Variants in PPIG observed in about 807,000 individuals in gnomAD.
PPIG encodes the protein peptidylprolyl isomerase G, also known as peptidyl-prolyl cis-trans isomerase G.
Under a neutral mutation model 87.9 loss-of-function variants are expected in PPIG, and 26 were observed. The ratio of observed to expected loss-of-function variants is 0.30; its 90% CI spans 0.22 to 0.41. The LOEUF (loss-of-function observed/expected upper bound fraction) is 0.41, where lower values mean the gene tolerates loss of function less well. Among genes scored for constraint, PPIG ranks in the 10% least tolerant of loss-of-function variants. The pLI, the probability that PPIG is intolerant of heterozygous loss-of-function variation, is 1.00. For missense variants in PPIG, 722 were observed against 879.4 expected (o/e 0.82, Z 2.26); for synonymous variants, 308 against 276.5 (o/e 1.11, Z -1.13).
At chr2:169,599,058 A>G (rs1685104933) in intron 1 of PPIG, among the ~76,000 whole-genome samples, 1 of 152,136 alleles carries the variant, frequency 6.6e-6, no homozygotes. Context: ...AAGGATGTAC[A>G]TAAAGTAAAT....
chr2:169,616,559 T>G (rs1259914940), intron 9 of PPIG, among the ~76,000 whole-genome samples: 1 of 152,246 alleles, frequency 6.6e-6, no homozygotes. Flanking sequence ...AGATGGTATC[T>G]CATTGTGGTT....
intron 12 of PPIG, among the ~76,000 whole-genome samples, chr2:169,635,769 C>T (rs573882946): frequency 5.9e-5 from 9 of 152,262 alleles, no homozygotes; most frequent in Admixed American, 3.9e-4. Flanking sequence ...ATGGAGAAGA[C>T]GTATGGCTAG....
intron 8 of PPIG, 40 bp downstream of exon 8, chr2:169,614,533 T>G: frequency 6.4e-7 from 1 of 1,560,146 alleles, no homozygotes; most frequent in South Asian, 1.2e-5. Context: ...TGTTTTAAAT[T>G]AACCTTGAAA....
chr2:169,587,809 A>C (rs1187376379), intron 1 of PPIG, among the ~76,000 whole-genome samples: 1 of 152,222 alleles, frequency 6.6e-6, no homozygotes, highest in Non-Finnish European at 1.5e-5. Context: ...CTGAAATTTG[A>C]TTATATAACA....
intron 12 of PPIG, among the ~76,000 whole-genome samples, chr2:169,635,562 G>GCT (rs1686157956): frequency 6.6e-6 from 1 of 152,048 alleles, no homozygotes; most frequent in Admixed American, 6.5e-5. Flanking sequence ...ATATATCTTG[G>GCT]CTCACTGATG....
chr2:169,588,089 C>G (rs1279043091), intron 1 of PPIG, among the ~76,000 whole-genome samples: 7 of 152,000 alleles, frequency 4.6e-5, no homozygotes, highest in African/African-American at 7.2e-5. Context: ...CGCTTGAACC[C>G]GGGAGGTGGA....
At chr2:169,623,589 A>G (rs1685809785) in intron 9 of PPIG, among the ~76,000 whole-genome samples, 1 of 152,152 alleles carries the variant, frequency 6.6e-6, no homozygotes, top group African/African-American at 2.4e-5. Context: ...CAATAGAGGA[A>G]GCAGCTGGTG....
intron 9 of PPIG, among the ~76,000 whole-genome samples, chr2:169,616,498 C>T (rs1211384802): frequency 6.6e-6 from 1 of 152,208 alleles, no homozygotes; most frequent in Non-Finnish European, 1.5e-5. Flanking sequence ...TCCACATCCT[C>T]TCCGGCATCT....
At position 169,631,818 on chromosome 2, in the gene PPIG, G is replaced by C. The variant is rs144590403; in HGVS notation, c.814G>C (p.Val272Leu). 39 of 1,613,632 alleles carry C rather than the reference G, an allele frequency of 2.4e-5. No homozygotes were observed. The highest frequency in any genetic ancestry group is 3.2e-5 in the Non-Finnish European group (38 of 1,179,790). Residue 272 changes from valine to leucine, a missense_variant, in exon 11 of 14, where the codon GTC (valine) becomes CTC (leucine). This residue lies in a region of PPIG where 142 missense variants were observed against 152.8 expected (regional missense o/e 0.93). Coordinates refer to ENST00000260970, the MANE Select transcript of PPIG (RefSeq NM_004792.3). ...TCTTGAAGCACAACCCCAGTCTACT[G>C]TCCGTCCAGAAGAGATCCCTCCTAT... The part of the protein sequence containing the change: ...ENLEAQPQST[V>L]RPEEIPPIPE...
At chr2:169,616,769 A>G (rs1439260227) in intron 9 of PPIG, among the ~76,000 whole-genome samples, 1 of 152,114 alleles carries the variant, frequency 6.6e-6, no homozygotes, top group African/African-American at 2.4e-5. Flanking sequence ...ATGGATAGAT[A>G]GCAAAAATGT....
intron 1 of PPIG, among the ~76,000 whole-genome samples, chr2:169,586,593 TC>T (rs1684711714): frequency 6.6e-6 from 1 of 152,176 alleles, no homozygotes; most frequent in African/African-American, 2.4e-5. Context: ...ATTGGTGACT[TC>T]TACATATTTT....
intron 7 of PPIG, among the ~76,000 whole-genome samples, chr2:169,612,935 C>CCATT (rs1685528775): frequency 6.6e-6 from 1 of 152,118 alleles, no homozygotes; most frequent in South Asian, 2.1e-4. Flanking sequence ...AGTGGTTGCA[C>CCATT]CATTCTACAT....
intron 6 of PPIG, 101 bp downstream of exon 6, chr2:169,607,249 A>G (rs549792186): frequency 1.4e-6 from 1 of 734,156 alleles, no homozygotes; most frequent in Admixed American, 2.6e-5. Context: ...GGGTATACTA[A>G]TGTCTAGCTG....
intron 6 of PPIG, among the ~76,000 whole-genome samples, chr2:169,607,595 C>T (rs1041273601): frequency 1.3e-5 from 2 of 152,040 alleles, no homozygotes; most frequent in East Asian, 3.9e-4. Context: ...ATGTGAAGAC[C>T]ATTTGGAAAA....
intron 1 of PPIG, among the ~76,000 whole-genome samples, chr2:169,600,240 A>G (rs544868114): frequency 6.6e-6 from 1 of 151,794 alleles, no homozygotes; most frequent in Admixed American, 6.6e-5. Flanking sequence ...ATGCCTGTCT[A>G]ATTTTTGTAT....
chr2:169,587,734 A>G (rs945984389), intron 1 of PPIG, among the ~76,000 whole-genome samples: 1 of 152,244 alleles, frequency 6.6e-6, no homozygotes, highest in African/African-American at 2.4e-5. Flanking sequence ...TTGTACTTCT[A>G]GCAGCAGACA....
chr2:169,633,175 C>G lies in PPIG; in HGVS notation c.945C>G (p.Ser315=). The G allele has an allele frequency of 6.2e-7, 1 of 1,609,074 alleles. No individual in the cohort carries two copies. Among genetic ancestry groups the G allele is most frequent in the East Asian group, 2.2e-5 (1 of 44,776 alleles). The stretch of plus-strand genomic sequence containing the variant: ...TTCCTTCTAGTAATCCACCTAACTC[C>G]CAGCCTGCTTCATACCAGAGACGAC... ...ERERECNPPN[S]QPASYQRRLL... The change falls in exon 12 of 14, where the codon TCC becomes TCG. Residue 315 remains serine (S), a synonymous_variant. Coordinates refer to ENST00000260970, the MANE Select transcript of PPIG (RefSeq NM_004792.3).
At chr2:169,588,980 A>G (rs934822044) in intron 1 of PPIG, among the ~76,000 whole-genome samples, 4 of 150,716 alleles carry the variant, frequency 2.7e-5, no homozygotes, top group Non-Finnish European at 5.9e-5. Context: ...AAAAAAAAAA[A>G]AAACCTTAGA....
chr2:169,634,545 TGA>T (rs1243030736), intron 12 of PPIG, among the ~76,000 whole-genome samples: 2 of 152,186 alleles, frequency 1.3e-5, no homozygotes, highest in East Asian at 3.9e-4. Context: ...TTTACAAAGT[TGA>T]GCACAAGCTC....
Sources: gnomAD v4.1 joint callset for allele counts (sites outside exome capture counted in the v4.1 genomes callset) on GRCh38, gnomAD v4.1.1 for gene constraint, gnomAD v4.1.1 regional missense constraint, MANE v1.5 for transcripts, NCBI Gene and HGNC (gene_info 2026-07-23, HGNC 2026-07-21) for gene names.